STS: variants seen among roughly 807,000 people sequenced by gnomAD.
STS encodes the protein steroid sulfatase.
STS carries 7 observed loss-of-function variants against 26.8 expected under a neutral mutation model. The observed-to-expected ratio is 0.26, with a 90% confidence interval of 0.15 to 0.49. The LOEUF (loss-of-function observed/expected upper bound fraction) is 0.49. Ranked by LOEUF, STS falls within the 20% of genes least tolerant of loss-of-function variation. The pLI is 0.98. For missense variants in STS, 434 were observed against 465.6 expected, an observed-to-expected ratio of 0.93 and a Z score of 0.63; for synonymous variants, 199 against 189.4, an observed-to-expected ratio of 1.05 and a Z score of -0.42.
chrX:7,223,030 AT>A lies in STS; in HGVS notation c.-4-30165del, dbSNP rs201990985. 9.3e-3 allele frequency among the ~76,000 whole-genome samples: 1,048 copies of A among 112,121 alleles called. 15 individuals are homozygous for A. The highest frequency in any genetic ancestry group is 0.032 in the African/African-American group (975 of 30,931). ...TTTGACTTTCTGAGTTATTTCAGTA[AT>A]GATAATGACCTTTAGTTCCCTCCAT... On this transcript the variant is annotated intron_variant, in intron 2 of 10. Coordinates refer to ENST00000674429, the MANE Select transcript of STS (RefSeq NM_001320752.2).
At chrX:7,317,173 C>T (rs1336006229) in intron 8 of STS, among the ~76,000 whole-genome samples, 3 of 111,825 alleles carry the variant, frequency 2.7e-5, no homozygotes, top group African/African-American at 9.7e-5. Flanking sequence ...AACATGCCAT[C>T]AAGATGTTAA....
In STS at chrX:7,351,581, A is replaced by G. The variant is rs889224906; in HGVS notation, c.*1320A>G. 1 of 111,832 alleles carries G rather than the reference A, an allele frequency of 8.9e-6. No homozygotes were observed. The highest frequency in any genetic ancestry group is 1.9e-5 in the Non-Finnish European group (1 of 53,187). 9.2% of individuals were successfully genotyped at this position (111,832 alleles called of 1,213,427 possible). On this transcript the variant is annotated 3_prime_UTR_variant, in exon 11 of 11. Transcript: ENST00000674429. ...TTCTTCAGATATAAGACTTTCCCCA[A>G]CAATGTGATTGGATTCCTTTATGGC...
At chrX:7,177,212 C>G (rs1409626446) in intron 1 of STS, among the ~76,000 whole-genome samples, 11 of 110,905 alleles carry the variant, frequency 9.9e-5, no homozygotes, top group Admixed American at 6.8e-4. Flanking sequence ...GTGATTCTGT[C>G]TACCCAACTT....
intron 8 of STS, among the ~76,000 whole-genome samples, chrX:7,310,137 G>A (rs1386279752): frequency 1.8e-5 from 2 of 112,067 alleles, no homozygotes; most frequent in East Asian, 5.6e-4. Flanking sequence ...ATTTGACTGT[G>A]TTCCATACCA....
intron 2 of STS, among the ~76,000 whole-genome samples, chrX:7,211,089 T>G (rs1485028704): frequency 8.9e-6 from 1 of 111,880 alleles, no homozygotes; most frequent in Non-Finnish European, 1.9e-5. Context: ...GTAGGAAAGA[T>G]CTCTGGAACT....
intron 8 of STS, among the ~76,000 whole-genome samples, chrX:7,318,339 C>T (rs1926812054): frequency 9.0e-6 from 1 of 110,954 alleles, no homozygotes. Flanking sequence ...TCTCGCTTTC[C>T]ACACAATATC....
intron 2 of STS, among the ~76,000 whole-genome samples, chrX:7,220,403 C>T (rs1490338197): frequency 6.3e-5 from 7 of 110,791 alleles, no homozygotes; most frequent in Admixed American, 1.9e-4. Flanking sequence ...GGACACTGTC[C>T]CAGCTGTGGC....
In STS at chrX:7,162,577, G is replaced by A. The variant is rs143581851; in HGVS notation, c.-134+14494G>A. Among the ~76,000 whole-genome samples, 139 of 109,909 alleles carry A rather than the reference G, an allele frequency of 1.3e-3. 1 individual carries two copies. The East Asian group carries it at 0.039, about 31-fold the overall frequency. On this transcript the variant is annotated intron_variant, in intron 1 of 10. Transcript: ENST00000674429. ...TTCACAATGAATTTGTCTATCCAGC[G>A]ATTCCCCACGGAGGCACTGTTGGTA...
intron 10 of STS, among the ~76,000 whole-genome samples, chrX:7,344,467 G>C (rs1407144686): frequency 2.7e-5 from 3 of 111,223 alleles, no homozygotes; most frequent in African/African-American, 9.8e-5. Context: ...GGTCTAGGAG[G>C]AGAAGGTTCT....
intron 2 of STS, among the ~76,000 whole-genome samples, chrX:7,220,794 C>T (rs1263547304): frequency 1.8e-5 from 2 of 110,203 alleles, no homozygotes; most frequent in South Asian, 7.8e-4. Context: ...GTGATCCGCC[C>T]GCCTCGGCCT....
intron 2 of STS, 124 bp downstream of exon 2, chrX:7,191,132 TTC>T (rs1933864485): frequency 3.9e-6 from 1 of 259,721 alleles, no homozygotes. Flanking sequence ...ATTGAGGACA[TTC>T]TGTTATTGCA....
At chrX:7,314,333 G>A (rs1348000177) in intron 8 of STS, among the ~76,000 whole-genome samples, 1 of 111,385 alleles carries the variant, frequency 9.0e-6, no homozygotes, top group Non-Finnish European at 1.9e-5. Flanking sequence ...CTCCAGCCTG[G>A]GTAACAAAGT....
rs776234832 is a variant in STS, at chrX:7,214,952, C to T, written c.-5+23944C>T. On this transcript the variant is annotated intron_variant, in intron 2 of 10. Coordinates refer to ENST00000674429, the MANE Select transcript of STS (RefSeq NM_001320752.2). ...GTGTGTATATATATATACATATATA[C>T]GTATATATATATTATATATGTATAT... 2.0e-3 allele frequency among the ~76,000 whole-genome samples: 169 copies of T among 82,461 alleles called. 1 individual carries two copies. The highest frequency in any genetic ancestry group is 2.7e-3 in the Non-Finnish European group (121 of 44,043). The allele number at this position is 82,461 out of a possible 115,157, so 71.6% of individuals were successfully genotyped here.
chrX:7,269,004 A>G (rs1291724273), intron 6 of STS, among the ~76,000 whole-genome samples: 1 of 107,623 alleles, frequency 9.3e-6, no homozygotes, highest in African/African-American at 3.4e-5. Flanking sequence ...AGGAAGTATT[A>G]GCTCGGCATG....
chrX:7,321,322 G>A (rs5933851), intron 8 of STS, among the ~76,000 whole-genome samples: 33,754 of 110,242 alleles, frequency 0.31, 4,351 homozygotes, highest in East Asian at 0.4. Context: ...CTAAATATCA[G>A]GTACTATGCT....
chrX:7,284,903 T>A (rs1482628845), intron 7 of STS, among the ~76,000 whole-genome samples: 1 of 111,547 alleles, frequency 9.0e-6, no homozygotes, highest in African/African-American at 3.3e-5. Context: ...TTAAATGGTA[T>A]AATAATGGTG....
chrX:7,291,047 C>G (rs1270600381), intron 7 of STS, among the ~76,000 whole-genome samples: 1 of 111,405 alleles, frequency 9.0e-6, no homozygotes, highest in East Asian at 2.8e-4. Flanking sequence ...TTCGTGTGTT[C>G]GAGTCTTGTG....
rs774467396 is a variant in STS at position 7,276,028 on chromosome X, C to A, written c.884C>A (p.Ala295Asp). The change falls in exon 7 of 11, where the codon GCT becomes GAT. Residue 295 changes from alanine (A) to aspartate (D), a missense_variant. By Grantham distance (126) the Ala-to-Asp change is moderately radical. Around this residue, in one of 2 missense-constraint regions of STS, gnomAD observed 229 missense variants for 288.3 expected, o/e 0.79. Coordinates refer to ENST00000674429, the MANE Select transcript of STS (RefSeq NM_001320752.2). ...GCCCTGTTCTCCAGCAAAGACTTTG[C>A]TGGCAAAAGTCAACACGGAGTCTAC... is the stretch of plus-strand genomic sequence containing the variant. ...HTALFSSKDF[A>D]GKSQHGVYGD... 5 of 1,203,354 alleles carry A rather than the reference C, an allele frequency of 4.2e-6. No homozygotes were observed. In the South Asian group the frequency reaches 8.8e-5, roughly 21 times the overall value.
intron 2 of STS, among the ~76,000 whole-genome samples, chrX:7,198,917 G>GT (rs1204441689): frequency 1.8e-3 from 184 of 104,599 alleles, no homozygotes; most frequent in Admixed American, 2.0e-3. Flanking sequence ...CTGGCAGCAA[G>GT]TTTTTTTTTT....
Sources: allele counts gnomAD v4.1 joint callset (sites outside exome capture counted in the v4.1 genomes callset), GRCh38; gene constraint gnomAD v4.1.1; regional missense constraint gnomAD v4.1.1; transcripts MANE v1.5; gene names NCBI Gene and HGNC (gene_info 2026-07-23, HGNC 2026-07-21).